Variants in LPP observed in about 807,000 individuals in gnomAD.
LPP encodes the protein lipoma-preferred partner.
LPP carries 38 observed loss-of-function variants against 60.4 expected under a neutral mutation model. The observed-to-expected ratio is 0.63, with a 90% CI of 0.49 to 0.83. The LOEUF is 0.83. Ranked by LOEUF, LPP falls within the 40% of genes least tolerant of loss-of-function variation. The pLI is 0.00. For synonymous variants in LPP, 328 were observed against 290.8 expected (o/e 1.13, Z -1.30); for missense variants, 902 against 783.6 (o/e 1.15, Z -1.80).
At position 188,550,345 on chromosome 3, in the gene LPP, G is replaced by A. The variant is rs143614401; in HGVS notation, c.429+25558G>A. On this transcript the variant is annotated intron_variant, in intron 6 of 11. Coordinates refer to ENST00000617246, the MANE Select transcript of LPP (RefSeq NM_001375462.1). Reference sequence around the variant, plus strand: ...TGTAATCCCAGCACTTTGGGAGGCCGAGGCGGGTGGATCACAAGGTCAGGA... The same window carrying A: ...TGTAATCCCAGCACTTTGGGAGGCCAAGGCGGGTGGATCACAAGGTCAGGA... 3.7e-3 allele frequency among the ~76,000 whole-genome samples: 569 copies of A among 152,160 alleles called. 1 individual carries two copies. Among genetic ancestry groups the A allele is most frequent in the Non-Finnish European group, 6.4e-3 (434 of 67,972 alleles).
At chr3:188,308,757 A>C (rs1752332386) in intron 2 of LPP, among the ~76,000 whole-genome samples, 1 of 152,098 alleles carries the variant, frequency 6.6e-6, no homozygotes, top group Admixed American at 6.5e-5. Flanking sequence ...GAACGATAAA[A>C]CTTCGGTCAA....
At chr3:188,318,346 C>A (rs1399878832) in intron 2 of LPP, among the ~76,000 whole-genome samples, 1 of 150,620 alleles carries the variant, frequency 6.6e-6, no homozygotes, top group Non-Finnish European at 1.5e-5. Context: ...GGCTCCATGA[C>A]GTGGTTTCTA....
At chr3:188,784,038 A>G (rs532759687) in intron 9 of LPP, among the ~76,000 whole-genome samples, 3 of 152,088 alleles carry the variant, frequency 2.0e-5, no homozygotes, top group Non-Finnish European at 4.4e-5. Flanking sequence ...AGCAGTATAT[A>G]CTGCACCATA....
chr3:188,759,735 T>A (rs1731519017), intron 8 of LPP, among the ~76,000 whole-genome samples: 1 of 152,174 alleles, frequency 6.6e-6, no homozygotes, highest in Admixed American at 6.5e-5. Context: ...TCTTCTGTAC[T>A]GTTTTATAGA....
chr3:188,732,002 G>A (rs933742013), intron 8 of LPP, among the ~76,000 whole-genome samples: 30 of 152,118 alleles, frequency 2.0e-4, no homozygotes, highest in African/African-American at 6.3e-4. Context: ...AGGAGTATAC[G>A]CATAAAGAAA....
Position 188,647,148 on chromosome 3 carries a change from A to G in LPP, c.1113+37304A>G, listed in dbSNP as rs796260118. On this transcript the variant is annotated intron_variant, in intron 7 of 11. Coordinates refer to ENST00000617246, the MANE Select transcript of LPP (RefSeq NM_001375462.1). ...CTTCTACTCTGGATTTCCCTGTGTAAGCTCACTTGCAGAAGAGGGTGGAGG... is the reference window on the plus strand; with the variant it reads ...CTTCTACTCTGGATTTCCCTGTGTAGGCTCACTTGCAGAAGAGGGTGGAGG... Among the ~76,000 whole-genome samples the G allele has an allele frequency of 2.6e-5, 4 of 152,304 alleles. No individual in the cohort carries two copies. In the South Asian group the frequency reaches 6.2e-4, roughly 24 times the overall value.
At chr3:188,527,958 C>T (rs771908378) in intron 6 of LPP, among the ~76,000 whole-genome samples, 151 of 152,204 alleles carry the variant, frequency 9.9e-4, no homozygotes, top group Non-Finnish European at 1.6e-3. Flanking sequence ...TATAAAAAAT[C>T]CTCCATGACA....
At chr3:188,503,837 G>A (rs192197958) in intron 5 of LPP, among the ~76,000 whole-genome samples, 1 of 152,230 alleles carries the variant, frequency 6.6e-6, no homozygotes, top group African/African-American at 2.4e-5. Context: ...TATGTGATGA[G>A]TCACCTCTCT....
chr3:188,374,498 G>T (rs909828749), intron 3 of LPP, among the ~76,000 whole-genome samples: 62 of 151,984 alleles, frequency 4.1e-4, no homozygotes, highest in African/African-American at 1.5e-3. Context: ...CTCATGATTT[G>T]GCTCTCTGTT....
intron 8 of LPP, among the ~76,000 whole-genome samples, chr3:188,723,883 T>G (rs1323740014): frequency 6.6e-6 from 1 of 152,180 alleles, no homozygotes; most frequent in African/African-American, 2.4e-5. Context: ...TACTGTAAAA[T>G]TACTAAGATG....
chr3:188,668,062 T>C (rs1023206172), intron 7 of LPP, among the ~76,000 whole-genome samples: 6 of 152,086 alleles, frequency 3.9e-5, no homozygotes, highest in Non-Finnish European at 8.8e-5. Flanking sequence ...CCATCTGCTG[T>C]GCTAGTCCTG....
At chr3:188,560,776 C>T (rs1253188242) in intron 6 of LPP, among the ~76,000 whole-genome samples, 3 of 152,130 alleles carry the variant, frequency 2.0e-5, no homozygotes, top group Admixed American at 6.6e-5. Flanking sequence ...AGAACCTCTA[C>T]AAAGGCTGTC....
intron 1 of LPP, among the ~76,000 whole-genome samples, chr3:188,156,876 C>T (rs780439702): frequency 6.7e-6 from 1 of 148,990 alleles, no homozygotes; most frequent in Non-Finnish European, 1.5e-5. Flanking sequence ...ATAATATTAT[C>T]AATTGGTTCT....
chr3:188,745,971 C>T (rs138719623), intron 8 of LPP, among the ~76,000 whole-genome samples: 3 of 152,264 alleles, frequency 2.0e-5, no homozygotes, highest in African/African-American at 4.8e-5. Flanking sequence ...ACTCTCATCC[C>T]GTTGCACTTA....
At chr3:188,755,120 C>T (rs1322200852) in intron 8 of LPP, among the ~76,000 whole-genome samples, 1 of 152,122 alleles carries the variant, frequency 6.6e-6, no homozygotes, top group Non-Finnish European at 1.5e-5. Flanking sequence ...ATATATCATA[C>T]AATTGGCATA....
intron 6 of LPP, among the ~76,000 whole-genome samples, chr3:188,575,987 C>T (rs1035195775): frequency 6.6e-6 from 1 of 152,096 alleles, no homozygotes; most frequent in South Asian, 2.1e-4. Flanking sequence ...GAAAGAAGCC[C>T]TATTGGAGAA....
intron 6 of LPP, among the ~76,000 whole-genome samples, chr3:188,570,565 T>A (rs1833309973): frequency 6.6e-6 from 1 of 152,090 alleles, no homozygotes; most frequent in South Asian, 2.1e-4. Flanking sequence ...CACAAAGGAC[T>A]GTAATGTCTC....
intron 4 of LPP, among the ~76,000 whole-genome samples, chr3:188,424,757 G>GT (rs1348616635): frequency 2.0e-5 from 3 of 151,398 alleles, no homozygotes; most frequent in African/African-American, 7.3e-5. Context: ...TCTATCATTG[G>GT]TTTATAGGAA....
chr3:188,522,286 C>G (rs1819085739), intron 5 of LPP, among the ~76,000 whole-genome samples: 1 of 152,158 alleles, frequency 6.6e-6, no homozygotes, highest in Non-Finnish European at 1.5e-5. Context: ...ACAAGGCTAG[C>G]CTTCAAATCT....
Sources: gnomAD v4.1 joint callset for allele counts (sites outside exome capture counted in the v4.1 genomes callset) on GRCh38, gnomAD v4.1.1 for gene constraint, MANE v1.5 for transcripts, NCBI Gene and HGNC (gene_info 2026-07-23, HGNC 2026-07-21) for gene names.